Variants in KSR2 observed in about 807,000 individuals in gnomAD.
KSR2 encodes kinase suppressor of ras 2.
Under a neutral mutation model 107.8 loss-of-function variants are expected in KSR2, and 25 were observed. The observed-to-expected ratio is 0.23, with a 90% CI of 0.17 to 0.32. The LOEUF is 0.32. Ranked by LOEUF, KSR2 falls within the 10% of genes least tolerant of loss-of-function variation. KSR2 has a pLI of 1.00. For missense variants in KSR2, 887 were observed against 1,268.9 expected, an observed-to-expected ratio of 0.70 and a Z score of 4.57; for synonymous variants, 480 against 507.0, an observed-to-expected ratio of 0.95 and a Z score of 0.71.
At chr12:117,628,144 G>A (rs550471116) in intron 5 of KSR2, among the ~76,000 whole-genome samples, 7 of 152,164 alleles carry the variant, frequency 4.6e-5, no homozygotes, top group East Asian at 1.9e-4. Flanking sequence ...TGGTGGATTC[G>A]AACATCCTCC....
intron 4 of KSR2, among the ~76,000 whole-genome samples, chr12:117,751,037 T>C (rs1888594230): frequency 6.6e-6 from 1 of 152,202 alleles, no homozygotes; most frequent in South Asian, 2.1e-4. Flanking sequence ...TGAATTATAG[T>C]TCTCATAATC....
chr12:117,792,615 A>G (rs1328348990), intron 3 of KSR2, among the ~76,000 whole-genome samples: 2 of 152,204 alleles, frequency 1.3e-5, no homozygotes, highest in African/African-American at 4.8e-5. Flanking sequence ...TCAAATCAGC[A>G]GCCTCTCCCA....
chr12:117,697,994 G>A (rs867899968), intron 4 of KSR2, among the ~76,000 whole-genome samples: 23 of 152,208 alleles, frequency 1.5e-4, no homozygotes, highest in African/African-American at 4.3e-4. Flanking sequence ...AGAACACCAC[G>A]TGAAGATGAA....
chr12:117,505,720 C>A (rs562839073), intron 14 of KSR2, among the ~76,000 whole-genome samples: 1 of 152,328 alleles, frequency 6.6e-6, no homozygotes, highest in South Asian at 2.1e-4. Flanking sequence ...CAGTTGGCAC[C>A]ATTTGCTCCA....
intron 4 of KSR2, among the ~76,000 whole-genome samples, chr12:117,674,632 C>T (rs776609173): frequency 6.6e-6 from 1 of 152,178 alleles, no homozygotes; most frequent in Non-Finnish European, 1.5e-5. Context: ...GGCTTCTTCA[C>T]TCAGTACAAT....
At chr12:117,539,632 A>C (rs1487747496) in intron 10 of KSR2, 87 bp downstream of exon 10, 2 of 1,306,324 alleles carry the variant, frequency 1.5e-6, no homozygotes, top group Non-Finnish European at 2.1e-6. Context: ...GACTTGCTGC[A>C]TCAGGGCTCT....
chr12:117,586,515 A>G (rs1466760539), intron 5 of KSR2, among the ~76,000 whole-genome samples: 2 of 150,800 alleles, frequency 1.3e-5, no homozygotes, highest in African/African-American at 4.9e-5. Flanking sequence ...TGAACCTGGG[A>G]GGCAGAGGTT....
intron 3 of KSR2, among the ~76,000 whole-genome samples, chr12:117,777,699 C>T (rs1889744541): frequency 6.6e-6 from 1 of 152,202 alleles, no homozygotes; most frequent in African/African-American, 2.4e-5. Context: ...GACTCACCTT[C>T]TCACTACTGT....
chr12:117,838,137 C>T (rs1372939273), intron 3 of KSR2, among the ~76,000 whole-genome samples: 1 of 152,206 alleles, frequency 6.6e-6, no homozygotes, highest in African/African-American at 2.4e-5. Context: ...AGAACAGACC[C>T]CAAAAGTCAG....
chr12:117,868,967 G>A (rs1239321858), intron 1 of KSR2, among the ~76,000 whole-genome samples: 1 of 151,880 alleles, frequency 6.6e-6, no homozygotes, highest in South Asian at 2.1e-4. Context: ...TGACCAGGTT[G>A]GTCTCGAACT....
intron 14 of KSR2, among the ~76,000 whole-genome samples, chr12:117,517,072 A>G (rs1874420991): frequency 6.6e-6 from 1 of 152,194 alleles, no homozygotes; most frequent in Admixed American, 6.5e-5. Flanking sequence ...AGCTAGAGGC[A>G]GAGGACTGTG....
At chr12:117,536,026 C>G (rs1215864438) in intron 10 of KSR2, among the ~76,000 whole-genome samples, 1 of 151,892 alleles carries the variant, frequency 6.6e-6, no homozygotes. Flanking sequence ...CAACTGGCAG[C>G]ACACAGTCAC....
intron 9 of KSR2, among the ~76,000 whole-genome samples, chr12:117,552,493 T>C (rs1343600937): frequency 1.3e-5 from 2 of 152,204 alleles, no homozygotes; most frequent in Non-Finnish European, 2.9e-5. Context: ...CTTTGAGCCA[T>C]GAGCTACCAT....
chr12:117,605,208 G>A (rs781336527), intron 5 of KSR2, among the ~76,000 whole-genome samples: 1 of 152,106 alleles, frequency 6.6e-6, no homozygotes, highest in Non-Finnish European at 1.5e-5. Flanking sequence ...GGCATCCTGA[G>A]TTTAAATGAG....
At position 117,461,593 on chromosome 12, in the gene KSR2, G is replaced by C. The variant is rs1282587401; in HGVS notation, c.*5606C>G. The C allele has an allele frequency of 6.3e-6, 1 of 158,104 alleles. No homozygotes were observed. Among genetic ancestry groups the C allele is most frequent in the East Asian group, 1.8e-4 (1 of 5,594 alleles). The allele number at this position is 158,104 out of a possible 1,614,324, so 9.8% of individuals were successfully genotyped here. On this transcript the variant is annotated 3_prime_UTR_variant, in exon 20 of 20. Transcript: ENST00000339824. ...GAATGGGTATGGATTGCAGGGCCTC[G>C]AGAAGGGAGTCTGGGATTTGGGTTA... is the stretch of plus-strand genomic sequence containing the variant.
At chr12:117,764,775 C>T (rs187750252) in intron 3 of KSR2, among the ~76,000 whole-genome samples, 1 of 152,324 alleles carries the variant, frequency 6.6e-6, no homozygotes, top group Non-Finnish European at 1.5e-5. Flanking sequence ...TGACCTTGGG[C>T]ACTCATCTAA....
At chr12:117,478,434 T>A (rs77452322) in intron 16 of KSR2, among the ~76,000 whole-genome samples, 7 of 151,706 alleles carry the variant, frequency 4.6e-5, no homozygotes, top group Non-Finnish European at 7.4e-5. Flanking sequence ...TTTTTTTTTT[T>A]AATTTTAGAG....
chr12:117,559,121 T>C (rs1353265152), intron 7 of KSR2, among the ~76,000 whole-genome samples: 2 of 151,998 alleles, frequency 1.3e-5, no homozygotes, highest in African/African-American at 4.8e-5. Flanking sequence ...ATAGATGGGA[T>C]GCCCCCAGTG....
intron 10 of KSR2, among the ~76,000 whole-genome samples, chr12:117,535,210 T>C (rs1301730086): frequency 1.3e-5 from 2 of 152,086 alleles, no homozygotes; most frequent in Non-Finnish European, 2.9e-5. Flanking sequence ...AGAAGAAAAT[T>C]TGAAGAGAAA....
Sources: allele counts gnomAD v4.1 joint callset (sites outside exome capture counted in the v4.1 genomes callset), GRCh38; gene constraint gnomAD v4.1.1; transcripts MANE v1.5; gene names NCBI Gene and HGNC (gene_info 2026-07-23, HGNC 2026-07-21).